Variants in CCDC7 observed in about 807,000 individuals in gnomAD.
CCDC7 encodes coiled-coil domain-containing protein 7.
In CCDC7, 183 loss-of-function variants were observed where a neutral mutation model predicts 196.9. The observed-to-expected ratio is 0.93, with a 90% CI of 0.82 to 1.05. The LOEUF (loss-of-function observed/expected upper bound fraction) is 1.05. Ranked by LOEUF, CCDC7 falls within the 50% of genes least tolerant of loss-of-function variation. The pLI, the probability that CCDC7 is intolerant of heterozygous loss-of-function variation, is 0.00. For missense variants in CCDC7, 1,540 were observed against 1,482.2 expected, an observed-to-expected ratio of 1.04 and a Z score of -0.64; for synonymous variants, 525 against 484.6, an observed-to-expected ratio of 1.08 and a Z score of -1.10.
chr10:32,734,115 AC>A (rs1384877746), intron 28 of CCDC7, among the ~76,000 whole-genome samples: 1 of 152,232 alleles, frequency 6.6e-6, no homozygotes, highest in Non-Finnish European at 1.5e-5. Flanking sequence ...TCTACCATAA[AC>A]ATACATGCAT....
chr10:32,680,104 G>A (rs954137247), intron 21 of CCDC7, among the ~76,000 whole-genome samples: 2 of 152,164 alleles, frequency 1.3e-5, no homozygotes, highest in African/African-American at 2.4e-5. Context: ...ATTGAATGGG[G>A]ATATAATCTC....
intron 21 of CCDC7, among the ~76,000 whole-genome samples, chr10:32,679,827 G>A (rs1049921625): frequency 6.6e-6 from 1 of 152,150 alleles, no homozygotes; most frequent in Non-Finnish European, 1.5e-5. Flanking sequence ...ATGACAGATA[G>A]GGAATTAAGT....
intron 9 of CCDC7, chr10:32,511,658 A>G: frequency 6.4e-7 from 1 of 1,572,142 alleles, no homozygotes; most frequent in Admixed American, 1.7e-5. Context: ...CATCTCATCC[A>G]CAGCACCAAT....
chr10:32,768,439 T>C (rs2078658697), intron 28 of CCDC7, among the ~76,000 whole-genome samples: 1 of 152,164 alleles, frequency 6.6e-6, no homozygotes, highest in Non-Finnish European at 1.5e-5. Context: ...TTTAGGTTTT[T>C]CTAGATATTA....
intron 41 of CCDC7, among the ~76,000 whole-genome samples, chr10:32,860,971 A>G (rs2093958345): frequency 6.6e-6 from 1 of 152,152 alleles, no homozygotes. Flanking sequence ...ATATCGTGAA[A>G]ATGGCCATAC....
intron 24 of CCDC7, among the ~76,000 whole-genome samples, chr10:32,707,969 T>C (rs1343105037): frequency 1.3e-5 from 2 of 152,120 alleles, no homozygotes; most frequent in East Asian, 3.8e-4. Context: ...TGGAAAAAAC[T>C]ACTTTAAAGT....
chr10:32,760,710 C>T (rs958686907), intron 28 of CCDC7, among the ~76,000 whole-genome samples: 4 of 151,070 alleles, frequency 2.6e-5, no homozygotes, highest in African/African-American at 9.8e-5. Flanking sequence ...CAAACCTGCA[C>T]GTTGTGCACA....
At chr10:32,757,326 T>C (rs532592054) in intron 28 of CCDC7, among the ~76,000 whole-genome samples, 25 of 152,300 alleles carry the variant, frequency 1.6e-4, no homozygotes, top group African/African-American at 5.8e-4. Context: ...ATCACACTTA[T>C]TCCAAAACTA....
At chr10:32,852,574 C>A (rs530564377) in intron 40 of CCDC7, among the ~76,000 whole-genome samples, 1 of 152,088 alleles carries the variant, frequency 6.6e-6, no homozygotes, top group East Asian at 1.9e-4. Context: ...CCTCCACCTT[C>A]TGGGTTCTCC....
At chr10:32,445,126 TACAG>T (rs1354086715), upstream of CCDC7, among the ~76,000 whole-genome samples, 1 of 152,212 alleles carries the variant, frequency 6.6e-6, no homozygotes, top group Non-Finnish European at 1.5e-5. Flanking sequence ...GTGCTGGGAT[TACAG>T]GTGCGAGCCA....
chr10:32,551,573 C>T (rs920185035), intron 13 of CCDC7, among the ~76,000 whole-genome samples: 1 of 152,042 alleles, frequency 6.6e-6, no homozygotes, highest in African/African-American at 2.4e-5. Context: ...TTTGCTGTAT[C>T]CCACAGGTTT....
chr10:32,620,097 A>G (rs1433190973), intron 18 of CCDC7, among the ~76,000 whole-genome samples: 4 of 151,108 alleles, frequency 2.6e-5, no homozygotes, highest in Admixed American at 2.6e-4. Context: ...TAATTTTTGT[A>G]TTTTTAGTAG....
intron 31 of CCDC7, among the ~76,000 whole-genome samples, chr10:32,817,456 G>A (rs1450844049): frequency 6.6e-6 from 1 of 152,126 alleles, no homozygotes; most frequent in Non-Finnish European, 1.5e-5. Flanking sequence ...AGCAAGGCAG[G>A]CCAACATTCA....
chr10:32,824,397 C>A (rs1199859170), intron 31 of CCDC7, 121 bp from the exon 33 acceptor site: 1 of 541,218 alleles, frequency 1.8e-6, no homozygotes, highest in Non-Finnish European at 3.2e-6. Context: ...GCAATCTGGA[C>A]ACTTTATTAT....
chr10:32,653,169 G>T (rs911159029), intron 20 of CCDC7, among the ~76,000 whole-genome samples: 2 of 151,930 alleles, frequency 1.3e-5, no homozygotes, highest in African/African-American at 4.8e-5. Context: ...TTATATTTGG[G>T]ACCTGAAGTC....
intron 29 of CCDC7, 78 bp downstream of exon 30, chr10:32,779,162 A>G: frequency 4.6e-6 from 5 of 1,094,446 alleles, no homozygotes; most frequent in African/African-American, 1.6e-5. Flanking sequence ...GTTCTGTTAA[A>G]AAACAGGAAA....
intron 29 of CCDC7, among the ~76,000 whole-genome samples, chr10:32,801,694 G>A (rs1741118868): frequency 6.6e-6 from 1 of 152,158 alleles, no homozygotes; most frequent in Admixed American, 6.5e-5. Context: ...AGGGGTGTTG[G>A]GAGTGGGTCC....
intron 18 of CCDC7, among the ~76,000 whole-genome samples, chr10:32,633,738 A>ATATGTGTG (rs1554928353): frequency 7.6e-6 from 1 of 130,752 alleles, no homozygotes; most frequent in Non-Finnish European, 1.6e-5. Context: ...GTGTATATAT[A>ATATGTGTG]TGTGTGTGTG....
At chr10:32,513,099 A>G (rs966632857) in intron 9 of CCDC7, 6 of 151,056 alleles carry the variant, frequency 4.0e-5, no homozygotes, top group African/African-American at 1.5e-4. Context: ...GTGCTCAAGA[A>G]AGCATATAAA....
Sources: gnomAD v4.1 joint callset for allele counts (sites outside exome capture counted in the v4.1 genomes callset) on GRCh38, gnomAD v4.1.1 for gene constraint, MANE v1.5 for transcripts, NCBI Gene and HGNC (gene_info 2026-07-23, HGNC 2026-07-21) for gene names.